FBXW7: variants seen among roughly 807,000 people sequenced by gnomAD.
The protein encoded by FBXW7 is F-box/WD repeat-containing protein 7.
Under a neutral mutation model 86.3 loss-of-function variants are expected in FBXW7, and 11 were observed. The ratio of observed to expected loss-of-function variants is 0.13; its 90% CI spans 0.08 to 0.21. FBXW7 has a LOEUF of 0.21. Among genes scored for constraint, FBXW7 ranks in the 10% least tolerant of loss-of-function variants. FBXW7 has a pLI of 1.00. For missense variants in FBXW7, 488 were observed against 847.4 expected (o/e 0.58, Z 5.27); for synonymous variants, 313 against 297.9 (o/e 1.05, Z -0.52).
At chr4:152,361,864 G>A (rs544826869) in intron 4 of FBXW7, among the ~76,000 whole-genome samples, 1 of 151,276 alleles carries the variant, frequency 6.6e-6, no homozygotes, top group Non-Finnish European at 1.5e-5. Flanking sequence ...TACTTGGGAG[G>A]CTAAGGCAGG....
intron 2 of FBXW7, among the ~76,000 whole-genome samples, chr4:152,442,203 C>T (rs950212980): frequency 5.3e-5 from 8 of 152,176 alleles, no homozygotes; most frequent in African/African-American, 1.4e-4. Context: ...CACACAGCTT[C>T]CTCAGGGTAT....
intron 2 of FBXW7, among the ~76,000 whole-genome samples, chr4:152,531,773 A>G (rs889691279): frequency 5.3e-5 from 8 of 152,138 alleles, no homozygotes; most frequent in Non-Finnish European, 1.0e-4. Flanking sequence ...AATTTGAGGA[A>G]ACAAATCTGT....
chr4:152,324,254 G>C lies in FBXW7; in HGVS notation c.1785C>G (p.Val595=), dbSNP rs1227673998. Residue 595 remains valine (V), a synonymous_variant, in exon 13 of 14, where the codon GTC becomes GTG. Transcript: ENST00000281708. ...SGMELKDNIL[V]SGNADSTVKI... is the part of the protein sequence containing the mutation. ...TAACTGTAGAATCTGCATTCCCAGA[G>C]ACAAGAATATTGTCTTTGAGTTCCA... is the stretch of plus-strand genomic sequence containing the variant. 3 of 1,612,978 alleles carry C rather than the reference G, an allele frequency of 1.9e-6. No homozygotes were observed. Among genetic ancestry groups the C allele is most frequent in the Non-Finnish European group, 2.5e-6 (3 of 1,179,478 alleles).
At chr4:152,443,867 G>C (rs1162752248) in intron 2 of FBXW7, among the ~76,000 whole-genome samples, 1 of 152,048 alleles carries the variant, frequency 6.6e-6, no homozygotes, top group Non-Finnish European at 1.5e-5. Flanking sequence ...AATTTACTTT[G>C]TCCTATTTCA....
chr4:152,506,821 C>CA (rs907673739), intron 2 of FBXW7, among the ~76,000 whole-genome samples: 15 of 152,252 alleles, frequency 9.9e-5, no homozygotes, highest in African/African-American at 3.1e-4. Context: ...TAACCAGTTC[C>CA]AATGTGAGGC....
At position 152,351,109 on chromosome 4, in the gene FBXW7, T is replaced by C. The variant is rs184292741; in HGVS notation, c.502-985A>G. 2.9e-4 allele frequency among the ~76,000 whole-genome samples: 44 copies of C among 152,160 alleles called. No individual in the cohort carries two copies. In the East Asian group the frequency reaches 7.5e-3, roughly 26 times the overall value. Reference sequence around the variant, plus strand: ...CTGCAAGTTATAGGAGGAAAAACACTCCAAAGTGATAGAGAGCTATCCTCA... The same window carrying C: ...CTGCAAGTTATAGGAGGAAAAACACCCCAAAGTGATAGAGAGCTATCCTCA... On this transcript the variant is annotated intron_variant, in intron 4 of 13. Transcript: ENST00000281708.
intron 5 of FBXW7, among the ~76,000 whole-genome samples, chr4:152,349,645 T>C (rs939411804): frequency 3.9e-5 from 6 of 151,944 alleles, no homozygotes; most frequent in Admixed American, 6.6e-5. Context: ...GAGTTAGTAA[T>C]TGTTTTACTT....
At chr4:152,348,533 T>A in intron 5 of FBXW7, 1 of 164,730 alleles carries the variant, frequency 6.1e-6, no homozygotes. Context: ...AGGCTAAAAA[T>A]AAAACTTCTG....
At position 152,506,957 on chromosome 4, in the gene FBXW7, A is replaced by G. The variant is rs576447692; in HGVS notation, c.-120+27984T>C. Among the ~76,000 whole-genome samples, 22 of 152,326 alleles carry G rather than the reference A, an allele frequency of 1.4e-4. No homozygotes were observed. The South Asian group carries it at 4.4e-3, about 30-fold the overall frequency. On this transcript the variant is annotated intron_variant, in intron 2 of 13. Coordinates refer to ENST00000281708, the MANE Select transcript of FBXW7 (RefSeq NM_001349798.2). ...AATATGAATGAATTCTGTGAAGCCA[A>G]AACAACATGGTCTATCTAATACCTT... is the stretch of plus-strand genomic sequence containing the variant.
chr4:152,513,150 C>A (rs549581380), intron 2 of FBXW7, among the ~76,000 whole-genome samples: 1 of 152,156 alleles, frequency 6.6e-6, no homozygotes, highest in Non-Finnish European at 1.5e-5. Context: ...TGAGCCATTG[C>A]GCCTGGCCTG....
chr4:152,468,707 G>T (rs963874904), intron 2 of FBXW7, among the ~76,000 whole-genome samples: 8 of 152,096 alleles, frequency 5.3e-5, no homozygotes, highest in Admixed American at 2.0e-4. Context: ...TACACTTAGA[G>T]ATGAAATCTC....
At chr4:152,500,511 A>C (rs985560935) in intron 2 of FBXW7, among the ~76,000 whole-genome samples, 6 of 151,864 alleles carry the variant, frequency 4.0e-5, no homozygotes, top group African/African-American at 1.2e-4. Context: ...AAAAAAAAAA[A>C]AAAAAAAAAC....
intron 2 of FBXW7, among the ~76,000 whole-genome samples, chr4:152,499,788 T>C (rs932996789): frequency 3.9e-5 from 6 of 152,152 alleles, no homozygotes; most frequent in Non-Finnish European, 5.9e-5. Context: ...CTCACTCTTA[T>C]GGTAGTTCAA....
intron 4 of FBXW7, among the ~76,000 whole-genome samples, chr4:152,367,111 C>A (rs1343775063): frequency 2.0e-5 from 3 of 152,098 alleles, no homozygotes; most frequent in Non-Finnish European, 4.4e-5. Flanking sequence ...GAACATCACA[C>A]ACTGGGGCCT....
At chr4:152,425,714 G>A (rs369854324) in intron 2 of FBXW7, among the ~76,000 whole-genome samples, 8 of 151,790 alleles carry the variant, frequency 5.3e-5, no homozygotes, top group African/African-American at 1.9e-4. Flanking sequence ...AGGCTAAAAC[G>A]AACTTTTGCC....
intron 2 of FBXW7, among the ~76,000 whole-genome samples, chr4:152,490,764 G>A (rs1048129065): frequency 2.6e-5 from 4 of 152,130 alleles, no homozygotes; most frequent in African/African-American, 9.7e-5. Context: ...AGGACAACAT[G>A]TTTAATGGTA....
chr4:152,346,884 C>T (rs1020351206), intron 6 of FBXW7, 46 bp downstream of exon 6: 1 of 1,604,002 alleles, frequency 6.2e-7, no homozygotes, highest in Non-Finnish European at 8.5e-7. Context: ...CCTTATTTTG[C>T]AGCAATTAAG....
intron 2 of FBXW7, among the ~76,000 whole-genome samples, chr4:152,463,747 T>G (rs1743172303): frequency 6.6e-6 from 1 of 152,192 alleles, no homozygotes; most frequent in Non-Finnish European, 1.5e-5. Flanking sequence ...ATGTGGTATT[T>G]CTGAGTCATC....
At chr4:152,357,424 G>A (rs2126682151) in intron 4 of FBXW7, among the ~76,000 whole-genome samples, 1 of 151,960 alleles carries the variant, frequency 6.6e-6, no homozygotes, top group Middle Eastern at 3.4e-3. Context: ...GGGTTCAAGA[G>A]GTTCTCATGA....
Sources: gnomAD v4.1 joint callset for allele counts (sites outside exome capture counted in the v4.1 genomes callset) on GRCh38, gnomAD v4.1.1 for gene constraint, MANE v1.5 for transcripts, NCBI Gene and HGNC (gene_info 2026-07-23, HGNC 2026-07-21) for gene names.